The following KDM3B variants were observed in gnomAD, a reference collection of about 807,000 sequenced individuals.
KDM3B encodes lysine-specific demethylase 3B.
KDM3B carries 10 observed loss-of-function variants against 170.0 expected under a neutral mutation model. The ratio of observed to expected loss-of-function variants is 0.06; its 90% CI spans 0.04 to 0.10. The LOEUF is 0.10. KDM3B is among the 10% of genes least tolerant of loss of function. The pLI, the probability that KDM3B is intolerant of heterozygous loss-of-function variation, is 1.00. For missense variants in KDM3B, 1,394 were observed against 2,195.2 expected (o/e 0.64, Z 7.29); for synonymous variants, 831 against 834.8 (o/e 1.00, Z 0.08).
At chr5:138,397,065 T>C (rs1385137263) in intron 9 of KDM3B, among the ~76,000 whole-genome samples, 1 of 152,170 alleles carries the variant, frequency 6.6e-6, no homozygotes, top group Non-Finnish European at 1.5e-5. Context: ...GCGCAGTGGC[T>C]CACGCCTGTA....
intron 12 of KDM3B, among the ~76,000 whole-genome samples, chr5:138,416,930 C>T (rs752811713): frequency 3.9e-5 from 6 of 152,188 alleles, no homozygotes; most frequent in African/African-American, 9.6e-5. Flanking sequence ...AAGCGATTCT[C>T]GTGCCTCAGC....
chr5:138,401,003 T>C (rs912209217), intron 11 of KDM3B, among the ~76,000 whole-genome samples: 2 of 152,066 alleles, frequency 1.3e-5, no homozygotes, highest in Non-Finnish European at 2.9e-5. Flanking sequence ...CCAGGCGCCA[T>C]GGCTCACGCC....
At chr5:138,366,506 T>C (rs1375042906) in intron 1 of KDM3B, among the ~76,000 whole-genome samples, 1 of 152,264 alleles carries the variant, frequency 6.6e-6, no homozygotes, top group East Asian at 1.9e-4. Flanking sequence ...TAATTTTTTA[T>C]TTTTGTAGAG....
Position 138,429,864 on chromosome 5 carries a change from G to C in KDM3B, c.4792G>C (p.Val1598Leu). The C allele has an allele frequency of 2.5e-6, 4 of 1,614,206 alleles. No individual in the cohort carries two copies. The highest frequency in any genetic ancestry group is 1.3e-5 in the African/African-American group (1 of 75,062). The change falls in exon 21 of 24, where the codon GTG (valine) becomes CTG (leucine). Residue 1598 changes from valine (V) to leucine (L), a missense_variant. By Grantham distance (32) the Val-to-Leu change is conservative. Around this residue, in one of 19 missense-constraint regions of KDM3B, gnomAD observed 79 missense variants for 270.5 expected, o/e 0.29. Transcript: ENST00000314358. ...KTIDEGDADE[V>L]TKQRIHDGKE... ...AATTGACGAGGGAGATGCCGATGAG[G>C]TGACGAAGCAGAGGATTCATGATGG...
chr5:138,424,628 A>C (rs1763349770), intron 16 of KDM3B, among the ~76,000 whole-genome samples: 1 of 152,044 alleles, frequency 6.6e-6, no homozygotes, highest in Non-Finnish European at 1.5e-5. Context: ...AATACAAAAA[A>C]AATTAGCTGG....
intron 9 of KDM3B, among the ~76,000 whole-genome samples, chr5:138,395,205 C>T (rs1347987548): frequency 6.6e-6 from 1 of 152,044 alleles, no homozygotes; most frequent in African/African-American, 2.4e-5. Flanking sequence ...GGGAAGGGGT[C>T]CTACCTGGAG....
In KDM3B at chr5:138,379,618, A is replaced by G. The variant is rs1167993118; in HGVS notation, c.615A>G (p.Ile205Met). Residue 205 changes from isoleucine to methionine, a missense_variant, in exon 5 of 24, where the codon ATA becomes ATG. Around this residue, in one of 19 missense-constraint regions of KDM3B, gnomAD observed 166 missense variants for 216.4 expected, o/e 0.77. Transcript: ENST00000314358. ...PYSVQGHRVK[I>M]YQPEGEEGWL... ...GTGTTCAAGGTCACAGGGTCAAAAT[A>G]TATCAGCCAGAGGGGGAAGAAGGGT... is the stretch of plus-strand genomic sequence containing the variant. 1 of 1,613,710 alleles carries G rather than the reference A, an allele frequency of 6.2e-7. No homozygotes were observed. The highest frequency in any genetic ancestry group is 8.5e-7 in the Non-Finnish European group (1 of 1,179,778).
chr5:138,377,076 C>T (rs140869511), intron 3 of KDM3B, among the ~76,000 whole-genome samples: 123 of 152,272 alleles, frequency 8.1e-4, no homozygotes, highest in African/African-American at 1.6e-3. Flanking sequence ...CTTCCCCGCT[C>T]GTTAGGTTAA....
At chr5:138,356,577 A>G (rs1761452537) in intron 1 of KDM3B, among the ~76,000 whole-genome samples, 1 of 150,618 alleles carries the variant, frequency 6.6e-6, no homozygotes, top group Admixed American at 6.6e-5. Context: ...AGTTCTGTGC[A>G]TGGATATTAA....
intron 1 of KDM3B, among the ~76,000 whole-genome samples, chr5:138,371,792 C>G (rs1264306275): frequency 6.6e-6 from 1 of 152,066 alleles, no homozygotes; most frequent in Non-Finnish European, 1.5e-5. Flanking sequence ...CAGCAAGACC[C>G]TATCTCTACC....
At chr5:138,425,098 A>G (rs757303197) in intron 16 of KDM3B, among the ~76,000 whole-genome samples, 1 of 152,180 alleles carries the variant, frequency 6.6e-6, no homozygotes, top group Non-Finnish European at 1.5e-5. Context: ...TGGCATTGTC[A>G]TTTTCAATAT....
At position 138,436,921 on chromosome 5, in the gene KDM3B, TAAAA is replaced by T. The variant is rs548799526; in HGVS notation, c.*1222_*1225del. 4.7e-5 allele frequency: 7 copies of T among 150,506 alleles called. No homozygotes were observed. Among genetic ancestry groups the T allele is most frequent in the Admixed American group, 6.6e-5 (1 of 15,038 alleles). 9.3% of individuals were successfully genotyped at this position (150,506 alleles called of 1,614,324 possible). Reference sequence around the variant, plus strand: ...AGTTACTTTTTTTTTTTTTTTTAAATAAAAGTCATTTAATGTAGAATACTTTTAA... The same window carrying T: ...AGTTACTTTTTTTTTTTTTTTTAAATGTCATTTAATGTAGAATACTTTTAA... On this transcript the variant is annotated 3_prime_UTR_variant, in exon 24 of 24. Transcript: ENST00000314358.
intron 10 of KDM3B, among the ~76,000 whole-genome samples, chr5:138,399,304 C>T (rs1256934338): frequency 6.6e-6 from 1 of 151,788 alleles, no homozygotes; most frequent in African/African-American, 2.4e-5. Flanking sequence ...CTTTGGGAGG[C>T]AGAGGCAGGC....
chr5:138,358,649 C>T (rs1047808973), intron 1 of KDM3B, among the ~76,000 whole-genome samples: 2 of 151,608 alleles, frequency 1.3e-5, no homozygotes, highest in African/African-American at 4.9e-5. Flanking sequence ...GGCTGGAGTA[C>T]AGTGGTGCAG....
chr5:138,407,971 C>T (rs760529447), intron 11 of KDM3B, among the ~76,000 whole-genome samples: 4 of 152,082 alleles, frequency 2.6e-5, no homozygotes, highest in Non-Finnish European at 5.9e-5. Flanking sequence ...AAAAGCAGCC[C>T]CAAATTATTT....
At chr5:138,363,448 A>G (rs1009488902) in intron 1 of KDM3B, among the ~76,000 whole-genome samples, 3 of 152,098 alleles carry the variant, frequency 2.0e-5, no homozygotes, top group South Asian at 4.1e-4. Context: ...TGTGATTTGC[A>G]TCTGGGTTGT....
chr5:138,411,803 G>A (rs1056123047), intron 11 of KDM3B, among the ~76,000 whole-genome samples: 2 of 150,268 alleles, frequency 1.3e-5, no homozygotes, highest in Non-Finnish European at 3.0e-5. Context: ...AGGATCAAGC[G>A]ATCCTCCTGC....
intron 1 of KDM3B, among the ~76,000 whole-genome samples, chr5:138,362,153 C>G (rs1008068492): frequency 9.2e-5 from 14 of 152,004 alleles, no homozygotes; most frequent in African/African-American, 2.9e-4. Context: ...AACCCTGTCT[C>G]TACTAAAAAA....
intron 13 of KDM3B, among the ~76,000 whole-genome samples, chr5:138,418,456 TTGA>T (rs1485840673): frequency 3.3e-5 from 5 of 152,174 alleles, no homozygotes; most frequent in Admixed American, 6.5e-5. Flanking sequence ...CAACACATCG[TTGA>T]TGATAAGAGG....
Sources: allele counts gnomAD v4.1 joint callset (sites outside exome capture counted in the v4.1 genomes callset), GRCh38; gene constraint gnomAD v4.1.1; regional missense constraint gnomAD v4.1.1; transcripts MANE v1.5; gene names NCBI Gene and HGNC (gene_info 2026-07-23, HGNC 2026-07-21).